The following AEBP2 variants were observed in gnomAD, a reference collection of about 807,000 sequenced individuals.
AEBP2 encodes the protein AE binding protein 2.
AEBP2 carries 10 observed loss-of-function variants against 50.8 expected under a neutral mutation model. The ratio of observed to expected loss-of-function variants is 0.20; its 90% CI spans 0.12 to 0.33. The LOEUF (loss-of-function observed/expected upper bound fraction) is 0.33, where lower values mean the gene tolerates loss of function less well. AEBP2 is among the 10% of genes least tolerant of loss of function. The probability of loss-of-function intolerance (pLI) is 1.00; values close to 1 mark genes in which losing one functional copy is unlikely to be tolerated. For missense variants in AEBP2, 570 were observed against 688.0 expected, an observed-to-expected ratio of 0.83 and a Z score of 1.92; for synonymous variants, 296 against 261.3, an observed-to-expected ratio of 1.13 and a Z score of -1.28.
intron 2 of AEBP2, among the ~76,000 whole-genome samples, chr12:19,469,314 A>G (rs1948536585): frequency 1.3e-5 from 2 of 152,236 alleles, no homozygotes; most frequent in East Asian, 1.9e-4. Flanking sequence ...TTACTTTGAG[A>G]AGGAACCTTC....
At position 19,518,681 on chromosome 12, in the gene AEBP2, G is replaced by T; in HGVS notation, c.*564G>T. ...CATTTGTGTTCTTTTGCAGAACTCT[G>T]ATAAGAAAAGTGTTCAATTTGTATT... On this transcript the variant is annotated 3_prime_UTR_variant, in exon 8 of 8. Transcript: ENST00000266508. 6.8e-7 allele frequency: 1 copy of T among 1,476,486 alleles called. No individual in the cohort carries two copies. The highest frequency in any genetic ancestry group is 9.1e-7 in the Non-Finnish European group (1 of 1,093,784). 91.5% of individuals were successfully genotyped at this position (1,476,486 alleles called of 1,614,324 possible). A position where few individuals can be genotyped will look rare whatever the true frequency, so the allele number is the denominator to read the frequency against.
intron 1 of AEBP2, among the ~76,000 whole-genome samples, chr12:19,415,316 CAAAAAAAAAAAAAAAAAAA>C (rs869125193): frequency 6.2e-4 from 37 of 59,530 alleles, no homozygotes; most frequent in African/African-American, 2.8e-3. Flanking sequence ...GACCCTGTCT[CAAAAAAAAAAAAAAAAAAA>C]AAAAAAAAAA....
intron 4 of AEBP2, among the ~76,000 whole-genome samples, chr12:19,498,408 C>T (rs1949018534): frequency 6.6e-6 from 1 of 151,900 alleles, no homozygotes; most frequent in African/African-American, 2.4e-5. Flanking sequence ...TTTATTTTTT[C>T]TTGAGGAAAT....
intron 1 of AEBP2, among the ~76,000 whole-genome samples, chr12:19,458,040 G>GA (rs1387062509): frequency 6.6e-6 from 1 of 152,144 alleles, no homozygotes; most frequent in Non-Finnish European, 1.5e-5. Flanking sequence ...TTAACTGTGT[G>GA]AAAAAATTTA....
chr12:19,411,060 A>AT (rs1488125933), intron 1 of AEBP2, among the ~76,000 whole-genome samples: 2 of 152,152 alleles, frequency 1.3e-5, no homozygotes, highest in African/African-American at 2.4e-5. Context: ...GCAAAAAAAA[A>AT]CATTCACTGA....
At chr12:19,424,398 TTTTTTC>T (rs1162463787) in intron 1 of AEBP2, among the ~76,000 whole-genome samples, 1 of 151,904 alleles carries the variant, frequency 6.6e-6, no homozygotes, top group Non-Finnish European at 1.5e-5. Flanking sequence ...TAAGATGTCT[TTTTTTC>T]TTTTTTTTTT....
At chr12:19,477,970 T>C (rs1035548729) in intron 3 of AEBP2, among the ~76,000 whole-genome samples, 2 of 152,232 alleles carry the variant, frequency 1.3e-5, no homozygotes, top group African/African-American at 4.8e-5. Flanking sequence ...ACTTCGTGCA[T>C]GTAAAGGTGT....
At chr12:19,511,055 T>C (rs960283573) in intron 5 of AEBP2, among the ~76,000 whole-genome samples, 1 of 151,900 alleles carries the variant, frequency 6.6e-6, no homozygotes, top group Non-Finnish European at 1.5e-5. Context: ...TAGGCTGGTC[T>C]AGAACTCCTG....
intron 3 of AEBP2, among the ~76,000 whole-genome samples, chr12:19,474,193 A>C (rs976305391): frequency 1.3e-5 from 2 of 152,190 alleles, no homozygotes; most frequent in Non-Finnish European, 2.9e-5. Context: ...AGTTTCTGTA[A>C]AAATCTTTTC....
chr12:19,413,239 G>A, intron 1 of AEBP2: 8 of 889,094 alleles, frequency 9.0e-6, no homozygotes, highest in Admixed American at 3.4e-5. Context: ...TGGATCAGTC[G>A]GCCGGGCCAG....
chr12:19,484,250 A>ATTTTTTTTTTTTTTTTT (rs59403434), intron 3 of AEBP2, among the ~76,000 whole-genome samples: 3 of 107,518 alleles, frequency 2.8e-5, no homozygotes, highest in African/African-American at 3.6e-5. Flanking sequence ...CGCCCAGCCA[A>ATTTTTTTTTTTTTTTTT]TTTTTTTTTT....
chr12:19,408,453 AC>A (rs1270530359), intron 1 of AEBP2, among the ~76,000 whole-genome samples: 1 of 151,448 alleles, frequency 6.6e-6, no homozygotes, highest in Non-Finnish European at 1.5e-5. Flanking sequence ...GGAGGCTGAG[AC>A]AGGAGAATCG....
intron 4 of AEBP2, among the ~76,000 whole-genome samples, chr12:19,494,549 C>G (rs893008152): frequency 6.8e-6 from 1 of 147,544 alleles, no homozygotes; most frequent in Admixed American, 6.9e-5. Context: ...TCAGCCAGGC[C>G]GGAGTGCAAT....
At chr12:19,484,367 C>T (rs1278944491) in intron 3 of AEBP2, among the ~76,000 whole-genome samples, 1 of 147,244 alleles carries the variant, frequency 6.8e-6, no homozygotes, top group African/African-American at 2.5e-5. Context: ...AGAGAAGTTA[C>T]ATCTTAATAG....
intron 1 of AEBP2, among the ~76,000 whole-genome samples, chr12:19,425,201 G>A (rs573923086): frequency 3.9e-5 from 6 of 152,264 alleles, no homozygotes; most frequent in African/African-American, 1.4e-4. Flanking sequence ...CAACGACACA[G>A]TCCTGTTCCA....
At chr12:19,449,498 G>C (rs886633451) in intron 1 of AEBP2, among the ~76,000 whole-genome samples, 6 of 152,182 alleles carry the variant, frequency 3.9e-5, no homozygotes, top group African/African-American at 9.7e-5. Context: ...GCGTAGTGGT[G>C]ATAAAAGAAT....
At chr12:19,445,375 T>C (rs567518054) in intron 1 of AEBP2, among the ~76,000 whole-genome samples, 143 of 150,826 alleles carry the variant, frequency 9.5e-4, no homozygotes, top group African/African-American at 3.3e-3. Context: ...GTTTTCTTTT[T>C]TTTTTTTTTT....
At chr12:19,459,463 C>T (rs1948333165) in intron 1 of AEBP2, among the ~76,000 whole-genome samples, 1 of 152,122 alleles carries the variant, frequency 6.6e-6, no homozygotes, top group South Asian at 2.1e-4. Context: ...GATCTCCTGA[C>T]CTCGTGATCC....
At position 19,439,546 on chromosome 12, in the gene AEBP2, C is replaced by G. The variant is rs1417024807; in HGVS notation, c.-154C>G. 10 of 1,002,250 alleles carry G rather than the reference C, an allele frequency of 1.0e-5. No homozygotes were observed. Among genetic ancestry groups the G allele is most frequent in the Non-Finnish European group, 1.2e-5 (9 of 721,902 alleles). 62.1% of individuals were successfully genotyped at this position (1,002,250 alleles called of 1,614,324 possible). A position where few individuals can be genotyped will look rare whatever the true frequency, so the allele number is the denominator to read the frequency against. ...GCCTGTCCCCGCGCGGGCTCCGTAG[C>G]GCGTGTGCAGGCTGACGCAGCTCGC... On this transcript the variant is annotated 5_prime_UTR_variant, in exon 1 of 8. Coordinates refer to ENST00000266508, the MANE Select transcript of AEBP2 (RefSeq NM_153207.5).
Sources: gnomAD v4.1 joint callset for allele counts (sites outside exome capture counted in the v4.1 genomes callset) on GRCh38, gnomAD v4.1.1 for gene constraint, MANE v1.5 for transcripts, NCBI Gene and HGNC (gene_info 2026-07-23, HGNC 2026-07-21) for gene names.